ZDHHC17: variants seen among roughly 807,000 people sequenced by gnomAD.
ZDHHC17 encodes the protein palmitoyltransferase ZDHHC17.
ZDHHC17 carries 40 observed loss-of-function variants against 90.3 expected under a neutral mutation model. The ratio of observed to expected loss-of-function variants is 0.44; its 90% confidence interval spans 0.34 to 0.58. ZDHHC17 has a LOEUF of 0.58. ZDHHC17 is among the 20% of genes least tolerant of loss of function. The pLI, the probability that ZDHHC17 is intolerant of heterozygous loss-of-function variation, is 0.01. For synonymous variants in ZDHHC17, 235 were observed against 252.4 expected, an observed-to-expected ratio of 0.93 and a Z score of 0.65; for missense variants, 614 against 780.8, an observed-to-expected ratio of 0.79 and a Z score of 2.55.
chr12:76,797,162 G>A (rs1042232284), intron 1 of ZDHHC17, among the ~76,000 whole-genome samples: 1 of 152,038 alleles, frequency 6.6e-6, no homozygotes, highest in Non-Finnish European at 1.5e-5. Flanking sequence ...TACTCAGGAG[G>A]CTAGACAGGA....
At chr12:76,828,640 G>A in intron 10 of ZDHHC17, 150 bp downstream of exon 10, 1 of 606,264 alleles carries the variant, frequency 1.6e-6, no homozygotes, top group Non-Finnish European at 2.7e-6. Flanking sequence ...TATAAGTAAT[G>A]TTTTTAAATA....
chr12:76,816,241 CT>C (rs1269536285), intron 7 of ZDHHC17, among the ~76,000 whole-genome samples: 1 of 151,714 alleles, frequency 6.6e-6, no homozygotes, highest in Admixed American at 6.6e-5. Context: ...TGATAAATGC[CT>C]TTATGGTGTT....
In ZDHHC17 at chr12:76,816,014, A is replaced by G. The variant is rs756994156; in HGVS notation, c.766A>G (p.Ile256Val). The stretch of plus-strand genomic sequence containing the variant: ...TGGAGCTAATGTTGATGCCCAGAAT[A>G]TCAAGGTAAAAATATTCTATATTGA... ...EAGANVDAQN[I>V]KGESALDLAK... The change falls in exon 7 of 17, where the codon ATC becomes GTC. Residue 256 changes from isoleucine (I) to valine (V), a missense_variant. This residue lies in a region of ZDHHC17 where 358 missense variants were observed against 380.4 expected (regional missense o/e 0.94). Transcript: ENST00000426126. The G allele has an allele frequency of 1.3e-6, 2 of 1,531,090 alleles. No individual in the cohort carries two copies. Among genetic ancestry groups the G allele is most frequent in the East Asian group, 4.8e-5 (2 of 41,804 alleles). The allele number at this position is 1,531,090 out of a possible 1,614,324, so 94.8% of individuals were successfully genotyped here.
chr12:76,847,482 C>T (rs970766981), intron 14 of ZDHHC17, among the ~76,000 whole-genome samples: 2 of 152,180 alleles, frequency 1.3e-5, no homozygotes, highest in African/African-American at 4.8e-5. Context: ...CCCAGCACAC[C>T]TGAGGAGAAT....
intron 2 of ZDHHC17, among the ~76,000 whole-genome samples, chr12:76,800,141 A>G (rs1952869101): frequency 1.3e-5 from 2 of 152,190 alleles, no homozygotes; most frequent in African/African-American, 2.4e-5. Flanking sequence ...AGAATGATAC[A>G]TGTAATCTTG....
At chr12:76,819,192 G>T (rs1953129040) in intron 7 of ZDHHC17, among the ~76,000 whole-genome samples, 1 of 152,196 alleles carries the variant, frequency 6.6e-6, no homozygotes. Flanking sequence ...TTTTTGGGAT[G>T]AAGGTGATAG....
chr12:76,813,574 A>G, intron 5 of ZDHHC17: 1 of 252,752 alleles, frequency 4.0e-6, no homozygotes, highest in Non-Finnish European at 7.9e-6. Flanking sequence ...TATTGCTAAC[A>G]GTGGCTCACA....
chr12:76,784,956 CTTA>C (rs1565766083), intron 1 of ZDHHC17, among the ~76,000 whole-genome samples: 1 of 152,186 alleles, frequency 6.6e-6, no homozygotes, highest in Non-Finnish European at 1.5e-5. Context: ...ACAACATCTG[CTTA>C]TTATGAGAAG....
intron 1 of ZDHHC17, among the ~76,000 whole-genome samples, chr12:76,777,601 T>G (rs1371174422): frequency 6.6e-6 from 1 of 152,230 alleles, no homozygotes; most frequent in Admixed American, 6.5e-5. Context: ...ACTGACAAGC[T>G]GTTTTCCTGA....
chr12:76,845,583 C>G (rs1375270970), intron 12 of ZDHHC17, 126 bp from the exon 13 acceptor site: 13 of 390,500 alleles, frequency 3.3e-5, no homozygotes, highest in Non-Finnish European at 5.8e-5. Flanking sequence ...ATTTGGAAAC[C>G]TTGATATAAT....
rs748894611 is a variant in ZDHHC17 at position 76,848,403 on chromosome 12, G to T, written c.1665+13G>T. On this transcript the variant is annotated intron_variant, in intron 15 of 16. Coordinates refer to ENST00000426126, the MANE Select transcript of ZDHHC17 (RefSeq NM_015336.4). The stretch of plus-strand genomic sequence containing the variant: ...TCAGATGTACCAGGTATGTGCAAAG[G>T]CATTCTTTTTAGTGCACTAAGTGAA... 6.2e-7 allele frequency: 1 copy of T among 1,611,598 alleles called. No homozygotes were observed. Among genetic ancestry groups the T allele is most frequent in the South Asian group, 1.1e-5 (1 of 90,778 alleles).
chr12:76,847,851 T>G (rs1395059204), intron 14 of ZDHHC17, among the ~76,000 whole-genome samples: 2 of 152,084 alleles, frequency 1.3e-5, no homozygotes, highest in Non-Finnish European at 2.9e-5. Flanking sequence ...GAGCGAGACC[T>G]TGTCTGGAAA....
intron 10 of ZDHHC17, among the ~76,000 whole-genome samples, chr12:76,839,453 C>G (rs12426141): frequency 0.02 from 3,091 of 152,232 alleles, 54 homozygotes; most frequent in Admixed American, 0.042. Flanking sequence ...GTTTGATTTA[C>G]TGTTTTTAAT....
intron 1 of ZDHHC17, among the ~76,000 whole-genome samples, chr12:76,784,082 G>T (rs1053514943): frequency 6.6e-6 from 1 of 152,180 alleles, no homozygotes; most frequent in Non-Finnish European, 1.5e-5. Context: ...CACTAAATTT[G>T]TGGCGATTTA....
In ZDHHC17 at chr12:76,766,474, A is replaced by G. The variant is rs575858474; in HGVS notation, c.93+2145A>G. On this transcript the variant is annotated intron_variant, in intron 1 of 16. Coordinates refer to ENST00000426126, the MANE Select transcript of ZDHHC17 (RefSeq NM_015336.4). The stretch of plus-strand genomic sequence containing the variant: ...TTATAATGGATAAAAATAATAGTTA[A>G]TAAGCTATAGCGAGGATTAACTGAG... Among the ~76,000 whole-genome samples, 303 of 152,318 alleles carry G rather than the reference A, an allele frequency of 2.0e-3. 10 individuals are homozygous for G. In the South Asian group the frequency reaches 0.061, roughly 31 times the overall value.
intron 1 of ZDHHC17, among the ~76,000 whole-genome samples, chr12:76,769,757 T>C (rs1359039903): frequency 6.6e-6 from 1 of 152,216 alleles, no homozygotes; most frequent in Non-Finnish European, 1.5e-5. Context: ...TTAAGCTTAG[T>C]AATCACTGAG....
rs992601717 is a variant in ZDHHC17 at position 76,815,139 on chromosome 12, T to A, written c.544-7T>A. 1.9e-6 allele frequency: 3 copies of A among 1,541,102 alleles called. No individual in the cohort carries two copies. The highest frequency in any genetic ancestry group is 2.6e-6 in the Non-Finnish European group (3 of 1,141,098). ...CTGTCTGACTTTTTTTCTTTTTACT[T>A]TATCAGGATGTAGATATGATGGATC... is the stretch of plus-strand genomic sequence containing the variant. On this transcript the variant is annotated splice_region_variant and splice_polypyrimidine_tract_variant and intron_variant, in intron 5 of 16. Coordinates refer to ENST00000426126, the MANE Select transcript of ZDHHC17 (RefSeq NM_015336.4).
intron 3 of ZDHHC17, among the ~76,000 whole-genome samples, chr12:76,805,789 A>T (rs1175776091): frequency 1.3e-5 from 2 of 152,220 alleles, no homozygotes. Context: ...TAAAGGTTGG[A>T]GTCAGGACCT....
chr12:76,785,019 G>A (rs1952669104), intron 1 of ZDHHC17, among the ~76,000 whole-genome samples: 1 of 152,172 alleles, frequency 6.6e-6, no homozygotes, highest in Non-Finnish European at 1.5e-5. Context: ...CTTTAACAGA[G>A]AGTCCTTCTC....
Sources: allele counts gnomAD v4.1 joint callset (sites outside exome capture counted in the v4.1 genomes callset), GRCh38; gene constraint gnomAD v4.1.1; regional missense constraint gnomAD v4.1.1; transcripts MANE v1.5; gene names NCBI Gene and HGNC (gene_info 2026-07-23, HGNC 2026-07-21).